MTA3: variants seen among roughly 807,000 people sequenced by gnomAD.
MTA3 encodes metastasis associated 1 family member 3, also known as metastasis-associated protein MTA3.
MTA3 carries 34 observed loss-of-function variants against 83.5 expected under a neutral mutation model. The observed-to-expected ratio is 0.41, with a 90% confidence interval of 0.31 to 0.54. The LOEUF (loss-of-function observed/expected upper bound fraction) is 0.54, where lower values mean the gene tolerates loss of function less well. Ranked by LOEUF, MTA3 falls within the 20% of genes least tolerant of loss-of-function variation. MTA3 has a pLI of 0.33. For synonymous variants in MTA3, 303 were observed against 252.7 expected (o/e 1.20, Z -1.89); for missense variants, 761 against 726.4 (o/e 1.05, Z -0.55).
At position 42,707,855 on chromosome 2, in the gene MTA3, CAAATT is replaced by C. The variant is rs1274268145; in HGVS notation, c.1151-43_1151-39del. ...GTTTGATTATTTTGTGTTGATGTTA[CAAATT>C]AAATAGCATTTTTCGTTTTTTCTTA... On this transcript the variant is annotated intron_variant, in intron 12 of 16. Transcript: ENST00000405094. 8 of 1,455,404 alleles carry C rather than the reference CAAATT, an allele frequency of 5.5e-6. No homozygotes were observed. The African/African-American group carries it at 1.1e-4, about 21-fold the overall frequency. 90.2% of individuals were successfully genotyped at this position (1,455,404 alleles called of 1,614,324 possible).
At chr2:42,585,723 CT>C (rs1451929760) in intron 3 of MTA3, among the ~76,000 whole-genome samples, 1 of 151,788 alleles carries the variant, frequency 6.6e-6, no homozygotes, top group African/African-American at 2.4e-5. Context: ...ATCCACCTGC[CT>C]TGGCCTCCCA....
intron 2 of MTA3, among the ~76,000 whole-genome samples, chr2:42,516,071 C>T (rs549031381): frequency 3.3e-4 from 50 of 152,058 alleles, no homozygotes; most frequent in Admixed American, 1.5e-3. Flanking sequence ...CCCGCCACCA[C>T]GCCCAGCTGA....
intron 16 of MTA3, among the ~76,000 whole-genome samples, chr2:42,753,135 G>C (rs77774690): frequency 0.01 from 1,555 of 151,958 alleles, 24 homozygotes; most frequent in African/African-American, 0.036. Flanking sequence ...ATGCTATGTC[G>C]TCCAGACTGT....
chr2:42,579,450 C>G (rs1380784917), intron 3 of MTA3, among the ~76,000 whole-genome samples: 1 of 142,918 alleles, frequency 7.0e-6, no homozygotes, highest in African/African-American at 2.6e-5. Flanking sequence ...TTTCCGGAGA[C>G]AAAGTTTGCT....
intron 14 of MTA3, among the ~76,000 whole-genome samples, chr2:42,717,889 A>G (rs927612604): frequency 1.1e-4 from 17 of 152,112 alleles, no homozygotes; most frequent in African/African-American, 4.1e-4. Flanking sequence ...TTTATCTTCC[A>G]TGTCATTTCA....
At chr2:42,586,274 C>T (rs1195360359) in intron 3 of MTA3, among the ~76,000 whole-genome samples, 7 of 131,420 alleles carry the variant, frequency 5.3e-5, no homozygotes, top group Non-Finnish European at 1.1e-4. Flanking sequence ...AACTCCATCT[C>T]AAAAGAAAAA....
At chr2:42,697,904 GT>G in intron 11 of MTA3, 70 bp downstream of exon 11, 1 of 1,179,504 alleles carries the variant, frequency 8.5e-7, no homozygotes, top group Non-Finnish European at 1.2e-6. Context: ...ATGTCATTTT[GT>G]TCAGTTTCAG....
At chr2:42,568,111 G>C (rs1678007564), upstream of MTA3, 1 of 152,288 alleles carries the variant, frequency 6.6e-6, no homozygotes, top group African/African-American at 2.4e-5. Context: ...CCGGCCCCTT[G>C]AATCTCACCG....
In MTA3 at chr2:42,756,071, C is replaced by T. The variant is rs1462881108; in HGVS notation, c.*2672C>T. On this transcript the variant is annotated 3_prime_UTR_variant, in exon 17 of 17. Transcript: ENST00000405094. ...TTTTCATCCAGAGATTTGTTTAACA[C>T]AAAACAAGAAAAGCTGAGAGGCAAA... 3.8e-5 allele frequency: 37 copies of T among 966,068 alleles called. No individual in the cohort carries two copies. Among genetic ancestry groups the T allele is most frequent in the Non-Finnish European group, 4.3e-5 (35 of 812,458 alleles). 59.8% of individuals were successfully genotyped at this position (966,068 alleles called of 1,614,324 possible).
intron 3 of MTA3, among the ~76,000 whole-genome samples, chr2:42,606,318 G>C (rs1683395300): frequency 6.7e-6 from 1 of 149,354 alleles, no homozygotes; most frequent in African/African-American, 2.5e-5. Context: ...TGGCTGCCGG[G>C]CGGAGAGGCT....
intron 8 of MTA3, among the ~76,000 whole-genome samples, chr2:42,674,943 C>G (rs1046296341): frequency 1.3e-5 from 2 of 151,152 alleles, no homozygotes; most frequent in South Asian, 4.2e-4. Flanking sequence ...GCACTCAACA[C>G]TGTGCCCAGC....
In MTA3 at chr2:42,594,728, A is replaced by ATATATATATATATATATTTTTTTTT; in HGVS notation, c.191-14729_191-14728insATATATATATATATATTTTTTTTTT. On this transcript the variant is annotated intron_variant, in intron 3 of 16. Coordinates refer to ENST00000405094, the MANE Select transcript of MTA3 (RefSeq NM_001330442.2). ...TACATATATATATATATATATATATATTTTTTTTTTTTTTTTGAGACAGAG... is the reference window on the plus strand; with the variant it reads ...TACATATATATATATATATATATATATATATATATATATATATTTTTTTTTTTTTTTTTTTTTTTTTGAGACAGAG... Among the ~76,000 whole-genome samples the ATATATATATATATATATTTTTTTTT allele has an allele frequency of 4.4e-3, 105 of 24,018 alleles. 3 individuals are homozygous for ATATATATATATATATATTTTTTTTT. The highest frequency in any genetic ancestry group is 5.6e-3 in the Non-Finnish European group (86 of 15,440). The allele number at this position is 24,018 out of a possible 152,430, so 15.8% of individuals were successfully genotyped here.
chr2:42,628,743 T>G (rs1044623049), intron 4 of MTA3, among the ~76,000 whole-genome samples: 1 of 151,038 alleles, frequency 6.6e-6, no homozygotes, highest in African/African-American at 2.4e-5. Flanking sequence ...TAAAACTGAG[T>G]TATTGAGTAT....
intron 7 of MTA3, 106 bp from the exon 8 acceptor site, chr2:42,659,657 C>T: frequency 1.3e-6 from 1 of 773,162 alleles, no homozygotes; most frequent in Admixed American, 4.4e-5. Flanking sequence ...TTTGCCTCTT[C>T]TTTTACAGTT....
In MTA3 at chr2:42,662,030, C is replaced by T. The variant is rs1300620897; in HGVS notation, c.702+2168C>T. On this transcript the variant is annotated intron_variant, in intron 8 of 16. Coordinates refer to ENST00000405094, the MANE Select transcript of MTA3 (RefSeq NM_001330442.2). ...ATTATTCCAAAACAACATAAATATT[C>T]TTTTGCATATGCTTAAATTTATTGT... 2.0e-5 allele frequency among the ~76,000 whole-genome samples: 3 copies of T among 152,136 alleles called. No homozygotes were observed. The East Asian group carries it at 5.8e-4, about 29-fold the overall frequency.
chr2:42,755,935 G>A lies in MTA3; in HGVS notation c.*2536G>A, dbSNP rs1670210083. ...TAAAGGTGCGCAAGAGAGGAGGGCC[G>A]ACTGGAGGGTGTCGCCGGAAGGTTT... On this transcript the variant is annotated 3_prime_UTR_variant, in exon 17 of 17. Transcript: ENST00000405094. 3 of 985,412 alleles carry A rather than the reference G, an allele frequency of 3.0e-6. No homozygotes were observed. Among genetic ancestry groups the A allele is most frequent in the Non-Finnish European group, 3.6e-6 (3 of 830,010 alleles). 61.0% of individuals were successfully genotyped at this position (985,412 alleles called of 1,614,324 possible).
chr2:42,727,201 A>AAAAGAAAG (rs911316771), intron 16 of MTA3, among the ~76,000 whole-genome samples: 2 of 152,102 alleles, frequency 1.3e-5, no homozygotes, highest in African/African-American at 2.4e-5. Context: ...CTGTCTCTTA[A>AAAAGAAAG]AAAGAAAGAA....
chr2:42,579,431 T>TA (rs67365452), intron 3 of MTA3, among the ~76,000 whole-genome samples: 542 of 26,778 alleles, frequency 0.02, 1 homozygote, highest in Admixed American at 0.053. Context: ...ATATATATAT[T>TA]TTTTTTTTTT....
chr2:42,673,095 C>T (rs772914173), intron 8 of MTA3, among the ~76,000 whole-genome samples: 3 of 151,824 alleles, frequency 2.0e-5, no homozygotes, highest in Non-Finnish European at 2.9e-5. Context: ...GATCCACCCC[C>T]GCCCCCCTCT....
Sources: allele counts gnomAD v4.1 joint callset (sites outside exome capture counted in the v4.1 genomes callset), GRCh38; gene constraint gnomAD v4.1.1; transcripts MANE v1.5; gene names NCBI Gene and HGNC (gene_info 2026-07-23, HGNC 2026-07-21).